The following EYS variants were observed in gnomAD, a reference collection of about 807,000 sequenced individuals.
EYS encodes EGF-like photoreceptor maintenance factor, also known as protein eyes shut homolog.
A neutral mutation model predicts 282.1 loss-of-function variants in EYS; 250 were observed. The observed-to-expected ratio is 0.89, with a 90% CI of 0.80 to 0.98. The LOEUF (loss-of-function observed/expected upper bound fraction) is 0.98, where lower values mean the gene tolerates loss of function less well. Among genes scored for constraint, EYS ranks in the 50% least tolerant of loss-of-function variants. The pLI is 0.00. For missense variants in EYS, 4,016 were observed against 3,709.0 expected (o/e 1.08, Z -2.15); for synonymous variants, 1,355 against 1,282.9 (o/e 1.06, Z -1.20).
intron 14 of EYS, among the ~76,000 whole-genome samples, chr6:64,962,501 C>T (rs9445450): frequency 1.4e-3 from 206 of 150,836 alleles, no homozygotes; most frequent in African/African-American, 4.7e-3. Flanking sequence ...GAGGCCAAGG[C>T]GGGAGGATCA....
At chr6:64,780,720 G>T (rs946029622) in intron 22 of EYS, among the ~76,000 whole-genome samples, 91 of 152,120 alleles carry the variant, frequency 6.0e-4, no homozygotes, top group Middle Eastern at 3.4e-3. Flanking sequence ...ATTCATCTGG[G>T]ATAGCTGGAA....
chr6:65,404,644 A>G lies in EYS; in HGVS notation c.1056+530T>C, dbSNP rs910844715. On this transcript the variant is annotated intron_variant, in intron 6 of 42. Transcript: ENST00000503581. ...TTATCTGTATATTATGTTCTATATA[A>G]TATAACTAATTCTTCTCAGCAAAAG... 2.2e-4 allele frequency among the ~76,000 whole-genome samples: 34 copies of G among 151,942 alleles called. 1 individual carries two copies. Among genetic ancestry groups the G allele is most frequent in the Admixed American group, 2.1e-3 (32 of 15,206 alleles).
intron 19 of EYS, among the ~76,000 whole-genome samples, chr6:64,852,205 T>C (rs1765908142): frequency 6.6e-6 from 1 of 152,084 alleles, no homozygotes; most frequent in Admixed American, 6.6e-5. Context: ...TGATTCTGGG[T>C]CTGTCTGTGA....
intron 29 of EYS, among the ~76,000 whole-genome samples, chr6:64,342,149 T>G (rs1422472880): frequency 6.6e-6 from 1 of 151,590 alleles, no homozygotes; most frequent in Non-Finnish European, 1.5e-5. Flanking sequence ...ATTTAAAATG[T>G]AAAAATCAGA....
chr6:64,296,574 A>T (rs1210806196), intron 30 of EYS, among the ~76,000 whole-genome samples: 3 of 6,320 alleles, frequency 4.7e-4, no homozygotes, highest in African/African-American at 2.8e-3. Flanking sequence ...ATATATATAT[A>T]TATATATATA....
intron 2 of EYS, among the ~76,000 whole-genome samples, chr6:65,502,359 C>A (rs1233709063): frequency 6.6e-6 from 1 of 151,486 alleles, no homozygotes; most frequent in East Asian, 1.9e-4. Context: ...GCACATGGAT[C>A]TTTATTATAT....
intron 19 of EYS, 106 bp from the exon 20 acceptor site, chr6:64,822,928 T>A (rs1764944028): frequency 1.2e-6 from 1 of 825,128 alleles, no homozygotes; most frequent in Admixed American, 3.2e-5. Context: ...CCTCTCTCTA[T>A]AATGATAACT....
At chr6:64,958,760 A>AAG (rs1769812032) in intron 14 of EYS, among the ~76,000 whole-genome samples, 7 of 148,796 alleles carry the variant, frequency 4.7e-5, no homozygotes, top group African/African-American at 1.5e-4. Context: ...AAAAAAAAAA[A>AAG]AAAGAAACAA....
chr6:65,236,671 A>G (rs959698060), intron 12 of EYS, among the ~76,000 whole-genome samples: 1 of 152,138 alleles, frequency 6.6e-6, no homozygotes, highest in Admixed American at 6.6e-5. Flanking sequence ...TACCAAATAT[A>G]TGCTTATAAC....
At chr6:64,347,778 T>A (rs1174586431) in intron 29 of EYS, among the ~76,000 whole-genome samples, 1 of 151,332 alleles carries the variant, frequency 6.6e-6, no homozygotes, top group East Asian at 2.0e-4. Flanking sequence ...CTTTTCCTTA[T>A]CTACCCCTTT....
intron 12 of EYS, among the ~76,000 whole-genome samples, chr6:65,183,893 T>C (rs1462235250): frequency 6.6e-6 from 1 of 151,770 alleles, no homozygotes; most frequent in Admixed American, 6.6e-5. Context: ...CTCATCCTCC[T>C]CCCCAAACAA....
At chr6:65,059,807 G>T (rs182023329) in intron 12 of EYS, among the ~76,000 whole-genome samples, 1 of 152,052 alleles carries the variant, frequency 6.6e-6, no homozygotes, top group Non-Finnish European at 1.5e-5. Context: ...AATACACTTT[G>T]TGGAGATTCC....
intron 29 of EYS, among the ~76,000 whole-genome samples, chr6:64,384,446 GA>G (rs34423356): frequency 4.0e-5 from 6 of 151,740 alleles, no homozygotes; most frequent in Non-Finnish European, 8.8e-5. Flanking sequence ...ACTTACATCT[GA>G]AAAAAAGGTA....
chr6:64,527,969 A>T (rs1208826166), intron 26 of EYS, among the ~76,000 whole-genome samples: 2 of 151,890 alleles, frequency 1.3e-5, no homozygotes, highest in East Asian at 1.9e-4. Context: ...GAGCATCATT[A>T]CACAAGACAG....
intron 12 of EYS, among the ~76,000 whole-genome samples, chr6:65,184,753 T>C (rs1352992538): frequency 6.6e-6 from 1 of 151,614 alleles, no homozygotes; most frequent in African/African-American, 2.4e-5. Flanking sequence ...TGGAAAAAAG[T>C]CTAAAAACCT....
At chr6:64,326,187 G>C (rs1251768382) in intron 29 of EYS, among the ~76,000 whole-genome samples, 1 of 151,890 alleles carries the variant, frequency 6.6e-6, no homozygotes, top group Non-Finnish European at 1.5e-5. Context: ...TCTGCAAAGT[G>C]TGACCCCCTT....
chr6:64,540,552 G>A (rs1257021037), intron 26 of EYS, among the ~76,000 whole-genome samples: 1 of 142,570 alleles, frequency 7.0e-6, no homozygotes, highest in African/African-American at 2.6e-5. Context: ...ACACAATCTC[G>A]GCTCACTGCA....
chr6:64,789,884 G>GAGATAT (rs1774134816), intron 22 of EYS, among the ~76,000 whole-genome samples: 1 of 148,684 alleles, frequency 6.7e-6, no homozygotes, highest in African/African-American at 2.5e-5. Context: ...AAAGTTGTAT[G>GAGATAT]ATATATATAT....
Position 65,495,501 on chromosome 6 carries a change from G to T in EYS, c.-91C>A. On this transcript the variant is annotated 5_prime_UTR_variant, in exon 4 of 43. Transcript: ENST00000503581. Reference sequence around the variant, plus strand: ...CCGGAAATTTCCAAGTAAAGTTGTGGTTAAGGATTCCTGGGAATTGGAATT... The same window carrying T: ...CCGGAAATTTCCAAGTAAAGTTGTGTTTAAGGATTCCTGGGAATTGGAATT... The T allele has an allele frequency of 1.4e-6, 2 of 1,401,546 alleles. No homozygotes were observed. The highest frequency in any genetic ancestry group is 2.0e-6 in the Non-Finnish European group (2 of 1,013,760). 86.8% of individuals were successfully genotyped at this position (1,401,546 alleles called of 1,614,324 possible). A position where few individuals can be genotyped will look rare whatever the true frequency, so the allele number is the denominator to read the frequency against.
Sources: allele counts gnomAD v4.1 joint callset (sites outside exome capture counted in the v4.1 genomes callset), GRCh38; gene constraint gnomAD v4.1.1; transcripts MANE v1.5; gene names NCBI Gene and HGNC (gene_info 2026-07-23, HGNC 2026-07-21).